MEF2A: variants seen among roughly 807,000 people sequenced by gnomAD.
The protein encoded by MEF2A is myocyte enhancer factor 2A.
In MEF2A, 28 loss-of-function variants were observed where a neutral mutation model predicts 55.8. The ratio of observed to expected loss-of-function variants is 0.50; its 90% confidence interval spans 0.37 to 0.69. MEF2A has a LOEUF of 0.69. MEF2A is among the 30% of genes least tolerant of loss of function. MEF2A has a pLI of 0.00. For missense variants in MEF2A, 528 were observed against 626.2 expected (o/e 0.84, Z 1.67); for synonymous variants, 239 against 227.1 (o/e 1.05, Z -0.47).
chr15:99,691,018 C>T (rs919575895), intron 8 of MEF2A, among the ~76,000 whole-genome samples: 1 of 151,868 alleles, frequency 6.6e-6, no homozygotes, highest in African/African-American at 2.4e-5. Context: ...CCCCAAACAC[C>T]CTGACCTGGA....
intron 9 of MEF2A, among the ~76,000 whole-genome samples, chr15:99,703,937 G>A (rs1391521526): frequency 6.6e-6 from 1 of 152,186 alleles, no homozygotes; most frequent in Admixed American, 6.5e-5. Flanking sequence ...CTATCAGAAG[G>A]CGCTCTTTTC....
intron 2 of MEF2A, among the ~76,000 whole-genome samples, chr15:99,609,478 TTTTTG>T (rs1247449526): frequency 5.9e-5 from 9 of 152,214 alleles, no homozygotes; most frequent in African/African-American, 2.2e-4. Context: ...ACAGTTTATG[TTTTTG>T]TTATCGAATC....
At chr15:99,566,389 A>C (rs1959410399) in intron 1 of MEF2A, 1 of 84,560 alleles carries the variant, frequency 1.2e-5, no homozygotes, top group African/African-American at 4.8e-5. Flanking sequence ...GTCGGCGCTG[A>C]GGAGCTAGGC....
intron 3 of MEF2A, among the ~76,000 whole-genome samples, chr15:99,635,681 CAG>C (rs2043682031): frequency 1.3e-5 from 2 of 152,088 alleles, no homozygotes; most frequent in Non-Finnish European, 2.9e-5. Flanking sequence ...TTTATATGAA[CAG>C]TGTGTCTTCT....
chr15:99,571,099 G>A (rs1962055690), intron 1 of MEF2A, among the ~76,000 whole-genome samples: 1 of 151,530 alleles, frequency 6.6e-6, no homozygotes, highest in Non-Finnish European at 1.5e-5. Context: ...CACGAGAATC[G>A]CTTGAACCCA....
intron 2 of MEF2A, among the ~76,000 whole-genome samples, chr15:99,600,720 G>T (rs994725305): frequency 6.6e-6 from 1 of 151,786 alleles, no homozygotes; most frequent in African/African-American, 2.4e-5. Context: ...GCCATTATGT[G>T]TGGGTCTGTT....
At chr15:99,671,002 T>C (rs529586383) in intron 4 of MEF2A, among the ~76,000 whole-genome samples, 2 of 152,354 alleles carry the variant, frequency 1.3e-5, no homozygotes, top group South Asian at 4.1e-4. Context: ...ATTGGTTATA[T>C]CATATAAATT....
At chr15:99,567,526 T>C (rs1960185805) in intron 1 of MEF2A, among the ~76,000 whole-genome samples, 1 of 152,188 alleles carries the variant, frequency 6.6e-6, no homozygotes, top group Admixed American at 6.5e-5. Context: ...GTAAACAAAA[T>C]AGTTCTTTTT....
At chr15:99,674,036 G>A (rs2051409299) in intron 5 of MEF2A, among the ~76,000 whole-genome samples, 1 of 152,070 alleles carries the variant, frequency 6.6e-6, no homozygotes, top group South Asian at 2.1e-4. Context: ...TTACATTGAA[G>A]TGCCAATTTA....
chr15:99,582,266 A>G (rs1030884517), intron 1 of MEF2A, among the ~76,000 whole-genome samples: 2 of 152,132 alleles, frequency 1.3e-5, no homozygotes, highest in Admixed American at 6.6e-5. Flanking sequence ...TGATAGGCTC[A>G]TTCTTTGATT....
At chr15:99,621,527 A>G (rs2041169904) in intron 2 of MEF2A, among the ~76,000 whole-genome samples, 1 of 152,130 alleles carries the variant, frequency 6.6e-6, no homozygotes, top group Non-Finnish European at 1.5e-5. Flanking sequence ...TTCATTTGCA[A>G]CAGTAGTAAG....
At chr15:99,615,985 A>G (rs1406163379) in intron 2 of MEF2A, among the ~76,000 whole-genome samples, 1 of 152,318 alleles carries the variant, frequency 6.6e-6, no homozygotes, top group Admixed American at 6.5e-5. Flanking sequence ...CTTCTGTGTT[A>G]TACTACTTAA....
chr15:99,644,714 T>C (rs1045455278), intron 3 of MEF2A, among the ~76,000 whole-genome samples: 10 of 152,226 alleles, frequency 6.6e-5, no homozygotes, highest in African/African-American at 2.4e-4. Flanking sequence ...CTTTATGTTT[T>C]AGAGAAGTTT....
chr15:99,633,071 T>G lies in MEF2A; in HGVS notation c.-49T>G. On this transcript the variant is annotated 5_prime_UTR_variant, in exon 3 of 12. Coordinates refer to ENST00000557942, the MANE Select transcript of MEF2A (RefSeq NM_001319206.4). ...ATTAGGGTATTGAAGAAAATTAACT[T>G]TTGAATTAAATATTTGGAATATAAG... The G allele has an allele frequency of 1.3e-6, 2 of 1,513,882 alleles. No homozygotes were observed. The highest frequency in any genetic ancestry group is 4.8e-5 in the East Asian group (2 of 41,408). 93.8% of individuals were successfully genotyped at this position (1,513,882 alleles called of 1,614,324 possible). A position where few individuals can be genotyped will look rare whatever the true frequency, so the allele number is the denominator to read the frequency against.
chr15:99,578,162 T>C (rs1467258839), intron 1 of MEF2A, among the ~76,000 whole-genome samples: 1 of 152,250 alleles, frequency 6.6e-6, no homozygotes, highest in Non-Finnish European at 1.5e-5. Context: ...TGATACCTAC[T>C]ACTGTAGTAT....
At chr15:99,645,963 A>T (rs974449056) in intron 4 of MEF2A, 199 bp downstream of exon 4, 4 of 436,738 alleles carry the variant, frequency 9.2e-6, no homozygotes, top group Non-Finnish European at 1.6e-5. Context: ...ATTCAGACAA[A>T]GTAAACTATG....
intron 2 of MEF2A, among the ~76,000 whole-genome samples, chr15:99,631,503 C>T (rs2042936633): frequency 6.6e-6 from 1 of 152,172 alleles, no homozygotes; most frequent in Non-Finnish European, 1.5e-5. Context: ...GACACATCCT[C>T]AGGGGAGCCT....
intron 4 of MEF2A, among the ~76,000 whole-genome samples, chr15:99,664,010 C>G (rs1596956350): frequency 6.6e-6 from 1 of 152,084 alleles, no homozygotes; most frequent in South Asian, 2.1e-4. Context: ...AATGATAGGA[C>G]GTATGACTTT....
chr15:99,596,625 A>G (rs1971266460), intron 1 of MEF2A, among the ~76,000 whole-genome samples: 2 of 152,192 alleles, frequency 1.3e-5, no homozygotes, highest in East Asian at 1.9e-4. Flanking sequence ...ATTTGATGAA[A>G]TGGATTTACT....
Sources: gnomAD v4.1 joint callset for allele counts (sites outside exome capture counted in the v4.1 genomes callset) on GRCh38, gnomAD v4.1.1 for gene constraint, MANE v1.5 for transcripts, NCBI Gene and HGNC (gene_info 2026-07-23, HGNC 2026-07-21) for gene names.